PIBF1: variants seen among roughly 807,000 people sequenced by gnomAD.
PIBF1 encodes the protein progesterone immunomodulatory binding factor 1.
Under a neutral mutation model 112.5 loss-of-function variants are expected in PIBF1, and 90 were observed. That is an observed-to-expected ratio of 0.80 (90% CI 0.67 to 0.95). The LOEUF (loss-of-function observed/expected upper bound fraction) is 0.95. Ranked by LOEUF, PIBF1 falls within the 40% of genes least tolerant of loss-of-function variation. The pLI is 0.00. For missense variants in PIBF1, 915 were observed against 852.3 expected (o/e 1.07, Z -0.92); for synonymous variants, 301 against 288.6 (o/e 1.04, Z -0.44).
intron 10 of PIBF1, among the ~76,000 whole-genome samples, chr13:72,867,608 AAG>A (rs2038981803): frequency 6.6e-6 from 1 of 152,192 alleles, no homozygotes; most frequent in Non-Finnish European, 1.5e-5. Context: ...TCTCTAAAGA[AAG>A]AGTCCCCTTT....
chr13:72,842,055 T>G (rs2037634392), intron 9 of PIBF1, among the ~76,000 whole-genome samples: 3 of 152,216 alleles, frequency 2.0e-5, no homozygotes, highest in Non-Finnish European at 4.4e-5. Context: ...TCCATAGCAT[T>G]TAACCAGTTT....
chr13:72,875,939 T>C (rs1166532131), intron 10 of PIBF1, among the ~76,000 whole-genome samples: 1 of 152,148 alleles, frequency 6.6e-6, no homozygotes, highest in East Asian at 1.9e-4. Context: ...CTTTTAACTT[T>C]AATGAAGTCC....
In PIBF1 at chr13:72,869,648, A is replaced by T. The variant is rs141067863; in HGVS notation, c.1322+15493A>T. Among the ~76,000 whole-genome samples, 1,263 of 151,906 alleles carry T rather than the reference A, an allele frequency of 8.3e-3. 61 individuals are homozygous for T. The highest frequency in any genetic ancestry group is 9.6e-3 in the East Asian group (50 of 5,186). The stretch of plus-strand genomic sequence containing the variant: ...AATAAAAAATAAATAATAAAAAAAT[A>T]AAAAATAAAGCATTCCACTTATAAG... On this transcript the variant is annotated intron_variant, in intron 10 of 17. Coordinates refer to ENST00000326291, the MANE Select transcript of PIBF1 (RefSeq NM_006346.4).
intron 14 of PIBF1, among the ~76,000 whole-genome samples, chr13:72,949,296 C>CTTTTTTTTTTTTTTTTTTTTTTT (rs1566481258): frequency 9.0e-6 from 1 of 110,906 alleles, no homozygotes; most frequent in African/African-American, 3.5e-5. Context: ...AGACAAATAG[C>CTTTTTTTTTTTTTTTTTTTTTTT]TGTCTTTTTT....
intron 5 of PIBF1, among the ~76,000 whole-genome samples, chr13:72,820,369 A>G (rs2036495619): frequency 6.6e-6 from 1 of 152,166 alleles, no homozygotes; most frequent in African/African-American, 2.4e-5. Flanking sequence ...TTCTTGTAGG[A>G]CTTAGGTCCG....
At chr13:72,827,237 AATTTTT>A in intron 7 of PIBF1, 119 bp downstream of exon 7, 1 of 384,444 alleles carries the variant, frequency 2.6e-6, no homozygotes, top group Non-Finnish European at 4.6e-6. Flanking sequence ...CAAAAAGATA[AATTTTT>A]TTTTTTTTTT....
intron 16 of PIBF1, among the ~76,000 whole-genome samples, chr13:72,986,676 CTTTTTTTT>C (rs765529786): frequency 2.2e-5 from 2 of 89,006 alleles, no homozygotes; most frequent in African/African-American, 4.3e-5. Flanking sequence ...TTTCTGTCAT[CTTTTTTTT>C]TTTTTTTTTT....
At chr13:72,880,590 G>A (rs537478349) in intron 10 of PIBF1, among the ~76,000 whole-genome samples, 1 of 152,270 alleles carries the variant, frequency 6.6e-6, no homozygotes, top group African/African-American at 2.4e-5. Flanking sequence ...GTAAAGAGTG[G>A]TATGGAGTTT....
intron 13 of PIBF1, among the ~76,000 whole-genome samples, chr13:72,925,804 A>T (rs2041464505): frequency 1.3e-5 from 2 of 151,962 alleles, no homozygotes; most frequent in South Asian, 4.1e-4. Context: ...AGCCTCCCAA[A>T]GTGCTGGGAT....
At chr13:72,793,912 A>T (rs1326094692) in intron 3 of PIBF1, among the ~76,000 whole-genome samples, 1 of 152,180 alleles carries the variant, frequency 6.6e-6, no homozygotes, top group Admixed American at 6.5e-5. Flanking sequence ...ATCCATGTGG[A>T]GGTATACGAA....
At chr13:72,900,220 A>G (rs1194196828) in intron 11 of PIBF1, among the ~76,000 whole-genome samples, 3 of 152,076 alleles carry the variant, frequency 2.0e-5, no homozygotes, top group Non-Finnish European at 4.4e-5. Flanking sequence ...TCAAAATACC[A>G]CCATCATTCT....
intron 5 of PIBF1, among the ~76,000 whole-genome samples, chr13:72,819,783 G>C (rs1447225878): frequency 6.6e-6 from 1 of 151,982 alleles, no homozygotes; most frequent in Non-Finnish European, 1.5e-5. Context: ...ATACTTTAAA[G>C]GCTTTTTGTT....
chr13:72,813,224 C>T (rs1338153201), intron 5 of PIBF1, among the ~76,000 whole-genome samples: 1 of 152,026 alleles, frequency 6.6e-6, no homozygotes, highest in Non-Finnish European at 1.5e-5. Context: ...ATAAGCATTG[C>T]TGTTTAGGCT....
At chr13:72,867,678 C>A (rs1416265796) in intron 10 of PIBF1, among the ~76,000 whole-genome samples, 1 of 152,130 alleles carries the variant, frequency 6.6e-6, no homozygotes, top group South Asian at 2.1e-4. Context: ...ATTTTTCTTG[C>A]ATCTTTTTGT....
At chr13:72,971,847 A>G (rs1033277634) in intron 15 of PIBF1, among the ~76,000 whole-genome samples, 1 of 151,966 alleles carries the variant, frequency 6.6e-6, no homozygotes, top group East Asian at 1.9e-4. Context: ...AGGACAAACT[A>G]TGATGCTTCC....
intron 16 of PIBF1, among the ~76,000 whole-genome samples, chr13:72,985,706 G>C (rs1461930881): frequency 6.6e-6 from 1 of 152,156 alleles, no homozygotes; most frequent in African/African-American, 2.4e-5. Flanking sequence ...CTAAGAGAAG[G>C]CTGGAATACA....
chr13:72,877,813 A>G (rs2039470162), intron 10 of PIBF1, among the ~76,000 whole-genome samples: 1 of 150,786 alleles, frequency 6.6e-6, no homozygotes, highest in Admixed American at 6.6e-5. Flanking sequence ...ACAGTGGCAC[A>G]ATCTCAGCTC....
intron 3 of PIBF1, among the ~76,000 whole-genome samples, chr13:72,793,758 T>C (rs2035054260): frequency 1.3e-5 from 2 of 152,132 alleles, no homozygotes. Context: ...GAGTCAAGGA[T>C]TACATCAAAA....
intron 11 of PIBF1, among the ~76,000 whole-genome samples, chr13:72,900,316 C>T (rs987973114): frequency 6.6e-6 from 1 of 152,052 alleles, no homozygotes; most frequent in Non-Finnish European, 1.5e-5. Flanking sequence ...GCAAAAAGAA[C>T]AAATCTGGAG....
Sources: allele counts gnomAD v4.1 joint callset (sites outside exome capture counted in the v4.1 genomes callset), GRCh38; gene constraint gnomAD v4.1.1; transcripts MANE v1.5; gene names NCBI Gene and HGNC (gene_info 2026-07-23, HGNC 2026-07-21).